The following ARHGAP6 variants were observed in gnomAD, a reference collection of about 807,000 sequenced individuals.
ARHGAP6 encodes the protein rho GTPase-activating protein 6.
In ARHGAP6, 16 loss-of-function variants were observed where a neutral mutation model predicts 55.7. That is an observed-to-expected ratio of 0.29 (90% CI 0.19 to 0.44). The LOEUF (loss-of-function observed/expected upper bound fraction) is 0.44. Among genes scored for constraint, ARHGAP6 ranks in the 20% least tolerant of loss-of-function variants. The pLI, the probability that ARHGAP6 is intolerant of heterozygous loss-of-function variation, is 1.00. For synonymous variants in ARHGAP6, 382 were observed against 360.9 expected (o/e 1.06, Z -0.66); for missense variants, 698 against 808.9 (o/e 0.86, Z 1.66).
At chrX:11,519,566 A>T (rs2050890193) in intron 1 of ARHGAP6, among the ~76,000 whole-genome samples, 1 of 111,196 alleles carries the variant, frequency 9.0e-6, no homozygotes, top group South Asian at 3.8e-4. Context: ...TGGAGGCATC[A>T]CACTACCTAA....
At chrX:11,591,201 A>T (rs890434654) in intron 1 of ARHGAP6, among the ~76,000 whole-genome samples, 1 of 109,832 alleles carries the variant, frequency 9.1e-6, no homozygotes, top group African/African-American at 3.3e-5. Context: ...AAAAAAAAAT[A>T]AAAATAAATA....
chrX:11,315,380 A>G (rs965439387), intron 1 of ARHGAP6, among the ~76,000 whole-genome samples: 2 of 111,376 alleles, frequency 1.8e-5, no homozygotes, highest in African/African-American at 6.5e-5. Flanking sequence ...CTCTTATGAG[A>G]CTCTAATGAA....
intron 1 of ARHGAP6, among the ~76,000 whole-genome samples, chrX:11,373,951 C>A (rs984178973): frequency 3.6e-5 from 4 of 111,879 alleles, no homozygotes; most frequent in Non-Finnish European, 5.6e-5. Context: ...AGTGAGGAGG[C>A]AATGTCTTAT....
intron 1 of ARHGAP6, among the ~76,000 whole-genome samples, chrX:11,586,325 C>G (rs1010302683): frequency 8.9e-6 from 1 of 111,905 alleles, no homozygotes; most frequent in Non-Finnish European, 1.9e-5. Flanking sequence ...TTGGGTCTTT[C>G]ATTCATCTTG....
At chrX:11,164,342 C>G (rs953202764) in intron 9 of ARHGAP6, among the ~76,000 whole-genome samples, 1 of 111,750 alleles carries the variant, frequency 8.9e-6, no homozygotes, top group Non-Finnish European at 1.9e-5. Context: ...CAATAATGTA[C>G]GTAATGAGTA....
At chrX:11,185,569 C>T (rs1473508143) in intron 5 of ARHGAP6, among the ~76,000 whole-genome samples, 3 of 111,778 alleles carry the variant, frequency 2.7e-5, no homozygotes, top group Admixed American at 9.5e-5. Context: ...ATATAAAACA[C>T]GTGCTAACAA....
intron 1 of ARHGAP6, among the ~76,000 whole-genome samples, chrX:11,340,346 C>T (rs1361663134): frequency 8.9e-6 from 1 of 111,972 alleles, no homozygotes; most frequent in Non-Finnish European, 1.9e-5. Context: ...CCATGTGTCC[C>T]CACCCACACC....
chrX:11,345,760 G>A (rs1282489847), intron 1 of ARHGAP6, among the ~76,000 whole-genome samples: 1 of 110,948 alleles, frequency 9.0e-6, no homozygotes, highest in African/African-American at 3.3e-5. Context: ...GTTCAGCTAG[G>A]GTGTAAGGAA....
At chrX:11,417,111 T>C (rs1253894554) in intron 1 of ARHGAP6, among the ~76,000 whole-genome samples, 5 of 79,528 alleles carry the variant, frequency 6.3e-5, no homozygotes, top group African/African-American at 9.8e-5. Context: ...TATATACACA[T>C]ACATATATAT....
At chrX:11,152,463 T>G (rs2045796372) in intron 10 of ARHGAP6, among the ~76,000 whole-genome samples, 1 of 111,977 alleles carries the variant, frequency 8.9e-6, no homozygotes, top group African/African-American at 3.2e-5. Flanking sequence ...GCCTGCCATT[T>G]AAGGGCTTCT....
chrX:11,355,868 T>C lies in ARHGAP6; in HGVS notation c.589-101161A>G, dbSNP rs760393038. Among the ~76,000 whole-genome samples the C allele has an allele frequency of 2.9e-4, 32 of 110,955 alleles. No homozygotes were observed. In the Middle Eastern group the frequency reaches 0.014, roughly 49 times the overall value. On this transcript the variant is annotated intron_variant, in intron 1 of 12. Transcript: ENST00000337414. ...GCTGGCTTTGGGTAGCTGAAGAGTG[T>C]AGCAGGTAGCATAGTTCCCATGATA...
chrX:11,364,370 A>G (rs995391625), intron 1 of ARHGAP6, among the ~76,000 whole-genome samples: 2 of 111,205 alleles, frequency 1.8e-5, no homozygotes, highest in African/African-American at 6.5e-5. Flanking sequence ...AAAAAAAAAA[A>G]AAAAGAAATT....
chrX:11,293,389 T>C (rs2048027268), intron 1 of ARHGAP6: 2 of 112,281 alleles, frequency 1.8e-5, no homozygotes, highest in Non-Finnish European at 3.8e-5. Flanking sequence ...TGATATAAAT[T>C]GAGCTTATAG....
chrX:11,452,552 G>T (rs923990137), intron 1 of ARHGAP6, among the ~76,000 whole-genome samples: 1 of 112,285 alleles, frequency 8.9e-6, no homozygotes, highest in Admixed American at 9.4e-5. Flanking sequence ...CATTTCCTAA[G>T]ATCATACAAA....
At chrX:11,533,508 A>C (rs771802879) in intron 1 of ARHGAP6, among the ~76,000 whole-genome samples, 1 of 112,460 alleles carries the variant, frequency 8.9e-6, no homozygotes, top group Non-Finnish European at 1.9e-5. Flanking sequence ...TATACTCGTT[A>C]TTGCTGGAGA....
At chrX:11,311,977 C>T (rs1289270975) in intron 1 of ARHGAP6, among the ~76,000 whole-genome samples, 3 of 104,082 alleles carry the variant, frequency 2.9e-5, no homozygotes, top group Admixed American at 2.0e-4. Flanking sequence ...GCAAGCTCAA[C>T]GAAATATGAG....
At position 11,139,219 on chromosome X, in the gene ARHGAP6, C is replaced by A; in HGVS notation, c.2569G>T (p.Ala857Ser). 8.3e-7 allele frequency: 1 copy of A among 1,201,784 alleles called. No individual in the cohort carries two copies. Among genetic ancestry groups the A allele is most frequent in the African/African-American group, 1.7e-5 (1 of 57,760 alleles). The change falls in exon 13 of 13, where the codon GCC (alanine) becomes TCC (serine). Residue 857 changes from alanine (A) to serine (S), a missense_variant. Physicochemically the swap from Ala to Ser is moderately conservative, Grantham distance 99 (BLOSUM62 1). Coordinates refer to ENST00000337414, the MANE Select transcript of ARHGAP6 (RefSeq NM_013427.3). ...GGTGTGGCCCGGCTCTGCAGCCCGG[C>A]CACATCCAGCTCACTCTCGCTGAGG... ...HDLSESELDV[A>S]GLQSRATPQC...
intron 1 of ARHGAP6, among the ~76,000 whole-genome samples, chrX:11,336,958 C>G (rs1033033220): frequency 9.0e-6 from 1 of 111,027 alleles, no homozygotes; most frequent in Non-Finnish European, 1.9e-5. Context: ...GAGACGTACA[C>G]CGGGTCAGTT....
chrX:11,519,574 T>C (rs2050890380), intron 1 of ARHGAP6, among the ~76,000 whole-genome samples: 1 of 110,853 alleles, frequency 9.0e-6, no homozygotes, highest in African/African-American at 3.3e-5. Context: ...TCACACTACC[T>C]AACTTCAAAC....
Sources: gnomAD v4.1 joint callset for allele counts (sites outside exome capture counted in the v4.1 genomes callset) on GRCh38, gnomAD v4.1.1 for gene constraint, MANE v1.5 for transcripts, NCBI Gene and HGNC (gene_info 2026-07-23, HGNC 2026-07-21) for gene names.